Variants in FRMD4B observed in about 807,000 individuals in gnomAD.
FRMD4B encodes the protein FERM domain-containing protein 4B.
FRMD4B carries 74 observed loss-of-function variants against 141.5 expected under a neutral mutation model. The ratio of observed to expected loss-of-function variants is 0.52; its 90% CI spans 0.43 to 0.63. The LOEUF (loss-of-function observed/expected upper bound fraction) is 0.63, where lower values mean the gene tolerates loss of function less well. Among genes scored for constraint, FRMD4B ranks in the 30% least tolerant of loss-of-function variants. The probability of loss-of-function intolerance (pLI) is 0.00; values close to 1 mark genes in which losing one functional copy is unlikely to be tolerated. For missense variants in FRMD4B, 1,366 were observed against 1,253.4 expected, an observed-to-expected ratio of 1.09 and a Z score of -1.36; for synonymous variants, 506 against 467.9, an observed-to-expected ratio of 1.08 and a Z score of -1.05.
rs544354814 is a variant in FRMD4B, at chr3:69,479,739, T to A, written c.-128-46978A>T. 1.4e-4 allele frequency among the ~76,000 whole-genome samples: 22 copies of A among 152,314 alleles called. No individual in the cohort carries two copies. In the South Asian group the frequency reaches 4.2e-3, roughly 29 times the overall value. Reference sequence around the variant, plus strand: ...TGTGGTGTTCTCTGTATTTCCTGAATCTGAATGTTGGCCTGCCTTGCTAGA... The same window carrying A: ...TGTGGTGTTCTCTGTATTTCCTGAAACTGAATGTTGGCCTGCCTTGCTAGA... On this transcript the variant is annotated intron_variant, in intron 1 of 5. Transcript: ENST00000459638.
At chr3:69,275,184 T>C (rs1184247695) in intron 5 of FRMD4B, among the ~76,000 whole-genome samples, 1 of 152,050 alleles carries the variant, frequency 6.6e-6, no homozygotes, top group African/African-American at 2.4e-5. Context: ...CAATTTATGC[T>C]CTAATATTGA....
intron 2 of FRMD4B, among the ~76,000 whole-genome samples, chr3:69,393,350 G>T (rs141983803): frequency 1.4e-5 from 2 of 138,320 alleles, no homozygotes; most frequent in South Asian, 2.3e-4. Context: ...AAAAAAGAGC[G>T]TCATGGTGTG....
chr3:69,395,981 T>C (rs1282248586), intron 2 of FRMD4B, among the ~76,000 whole-genome samples: 1 of 152,212 alleles, frequency 6.6e-6, no homozygotes, highest in East Asian at 1.9e-4. Context: ...CTAAAACAGT[T>C]CCATTATCTC....
chr3:69,384,044 C>T (rs756825860), intron 1 of FRMD4B, among the ~76,000 whole-genome samples: 1 of 152,044 alleles, frequency 6.6e-6, no homozygotes, highest in Non-Finnish European at 1.5e-5. Flanking sequence ...AAGGGATCTT[C>T]CTGCCTCAGC....
At chr3:69,359,782 T>G (rs1259565895) in intron 1 of FRMD4B, among the ~76,000 whole-genome samples, 2 of 152,188 alleles carry the variant, frequency 1.3e-5, no homozygotes, top group East Asian at 3.9e-4. Flanking sequence ...CACGTGCAGT[T>G]TTTTAGGTGA....
intron 1 of FRMD4B, among the ~76,000 whole-genome samples, chr3:69,540,006 A>G (rs1701145335): frequency 6.6e-6 from 1 of 151,910 alleles, no homozygotes; most frequent in Non-Finnish European, 1.5e-5. Flanking sequence ...CAGCCCGACC[A>G]ACATGGTGAA....
chr3:69,169,648 T>C lies in FRMD4B; in HGVS notation c.*2213A>G, dbSNP rs1375143666. Among the ~76,000 whole-genome samples, 2 of 152,122 alleles carry C rather than the reference T, an allele frequency of 1.3e-5. No homozygotes were observed. Among genetic ancestry groups the C allele is most frequent in the Admixed American group, 6.5e-5 (1 of 15,272 alleles). ...CTGGGATTACAGGTGTGAGCCGCTA[T>C]GCCTGGCCCTGAGCTTCCATTTCTA... On this transcript the variant is annotated 3_prime_UTR_variant, in exon 23 of 23. Coordinates refer to ENST00000398540, the MANE Select transcript of FRMD4B (RefSeq NM_015123.3).
At chr3:69,241,916 A>G (rs1277488319) in intron 7 of FRMD4B, among the ~76,000 whole-genome samples, 2 of 152,060 alleles carry the variant, frequency 1.3e-5, no homozygotes, top group African/African-American at 4.8e-5. Context: ...CCCAAAAAAC[A>G]AAAAAGGAAA....
At chr3:69,319,830 A>G (rs1356440986) in intron 1 of FRMD4B, among the ~76,000 whole-genome samples, 2 of 152,224 alleles carry the variant, frequency 1.3e-5, no homozygotes, top group Non-Finnish European at 2.9e-5. Context: ...GGTACTACAC[A>G]CACTGTAAAG....
At chr3:69,473,195 G>A (rs887906794) in intron 1 of FRMD4B, among the ~76,000 whole-genome samples, 5 of 151,940 alleles carry the variant, frequency 3.3e-5, no homozygotes, top group African/African-American at 1.2e-4. Flanking sequence ...ATTGGCATCT[G>A]CTTTCTTTGG....
intron 1 of FRMD4B, among the ~76,000 whole-genome samples, chr3:69,341,399 C>A (rs1358847650): frequency 6.6e-6 from 1 of 152,164 alleles, no homozygotes; most frequent in African/African-American, 2.4e-5. Context: ...CAACACAAGG[C>A]CAAATACCAA....
At position 69,379,905 on chromosome 3, in the gene FRMD4B, G is replaced by A. The variant is rs1704070140; in HGVS notation, c.162+5923C>T. ...ATTTACAAAAACAAGAGGCAAGCCC[G>A]ACTTTGCCCGCAAGCCATAGTTTGC... On this transcript the variant is annotated intron_variant, in intron 1 of 22. Coordinates refer to ENST00000398540, the MANE Select transcript of FRMD4B (RefSeq NM_015123.3). Among the ~76,000 whole-genome samples the A allele has an allele frequency of 2.0e-5, 3 of 152,192 alleles. No individual in the cohort carries two copies. The South Asian group carries it at 6.2e-4, about 32-fold the overall frequency.
chr3:69,267,060 A>G (rs574551544), intron 5 of FRMD4B, among the ~76,000 whole-genome samples: 1 of 152,206 alleles, frequency 6.6e-6, no homozygotes, highest in Non-Finnish European at 1.5e-5. Context: ...CTAATAAAGA[A>G]TACAGAGCCC....
intron 7 of FRMD4B, among the ~76,000 whole-genome samples, chr3:69,237,021 C>T (rs903226901): frequency 3.3e-5 from 5 of 152,196 alleles, no homozygotes; most frequent in Admixed American, 6.5e-5. Flanking sequence ...GCCGGGTAAG[C>T]GAGGTGAATT....
intron 5 of FRMD4B, among the ~76,000 whole-genome samples, chr3:69,280,133 G>T (rs2093637967): frequency 6.6e-6 from 1 of 152,100 alleles, no homozygotes; most frequent in South Asian, 2.1e-4. Context: ...TCTAGCAGGA[G>T]CAGGTTGCCC....
Position 69,434,464 on chromosome 3 carries a change from C to T in FRMD4B, c.-128-1703G>A, listed in dbSNP as rs549812567. ...GTTAGTTCTCAGATTCCATTCCTGC[C>T]GGCAACAAGCAGCACTATAAACCAA... On this transcript the variant is annotated intron_variant, in intron 1 of 5. Coordinates refer to the FRMD4B transcript ENST00000459638. Among the ~76,000 whole-genome samples the T allele has an allele frequency of 2.6e-5, 4 of 152,176 alleles. No homozygotes were observed. The South Asian group carries it at 6.2e-4, about 24-fold the overall frequency.
At chr3:69,379,305 G>T (rs1704053716) in intron 1 of FRMD4B, among the ~76,000 whole-genome samples, 1 of 152,008 alleles carries the variant, frequency 6.6e-6, no homozygotes, top group Non-Finnish European at 1.5e-5. Context: ...TTGAGACAGG[G>T]TCTCACTCTA....
chr3:69,459,978 G>T (rs1325825145), intron 1 of FRMD4B, among the ~76,000 whole-genome samples: 1 of 152,142 alleles, frequency 6.6e-6, no homozygotes, highest in Non-Finnish European at 1.5e-5. Context: ...CAGACTAAAT[G>T]CCCAGTGCCT....
chr3:69,427,643 G>GTTTTTTTGTTTTTT (rs1705106086), intron 2 of FRMD4B, among the ~76,000 whole-genome samples: 6 of 36,238 alleles, frequency 1.7e-4, no homozygotes, highest in African/African-American at 6.4e-4. Flanking sequence ...CTAGGTAAAT[G>GTTTTTTTGTTTTTT]TTTTTTTTTT....
Sources: gnomAD v4.1 joint callset for allele counts (sites outside exome capture counted in the v4.1 genomes callset) on GRCh38, gnomAD v4.1.1 for gene constraint, MANE v1.5 for transcripts, NCBI Gene and HGNC (gene_info 2026-07-23, HGNC 2026-07-21) for gene names.